BAG4: variants seen among roughly 807,000 people sequenced by gnomAD.
The protein encoded by BAG4 is BAG family molecular chaperone regulator 4.
A neutral mutation model predicts 52.1 loss-of-function variants in BAG4; 28 were observed. The ratio of observed to expected loss-of-function variants is 0.54; its 90% confidence interval spans 0.40 to 0.74. The LOEUF is 0.74. Ranked by LOEUF, BAG4 falls within the 30% of genes least tolerant of loss-of-function variation. The pLI, the probability that BAG4 is intolerant of heterozygous loss-of-function variation, is 0.00. For missense variants in BAG4, 525 were observed against 572.0 expected, an observed-to-expected ratio of 0.92 and a Z score of 0.84; for synonymous variants, 208 against 217.0, an observed-to-expected ratio of 0.96 and a Z score of 0.37.
chr8:38,184,039 T>C (rs1402454097), intron 1 of BAG4, among the ~76,000 whole-genome samples: 1 of 152,180 alleles, frequency 6.6e-6, no homozygotes, highest in East Asian at 1.9e-4. Flanking sequence ...GGAAATTAGC[T>C]AAACAGGTTA....
chr8:38,201,170 T>C (rs1042981678), intron 2 of BAG4, among the ~76,000 whole-genome samples: 4 of 152,200 alleles, frequency 2.6e-5, no homozygotes, highest in African/African-American at 9.7e-5. Context: ...ACAGTAATAA[T>C]GTGCAAATGT....
intron 4 of BAG4, 102 bp downstream of exon 4, chr8:38,209,369 T>A: frequency 1.3e-6 from 2 of 1,494,272 alleles, no homozygotes; most frequent in African/African-American, 1.4e-5. Flanking sequence ...GGGGACTAAT[T>A]ACAAAAAGTT....
intron 2 of BAG4, among the ~76,000 whole-genome samples, chr8:38,200,861 G>T (rs762031469): frequency 6.6e-6 from 1 of 152,238 alleles, no homozygotes; most frequent in Middle Eastern, 3.4e-3. Flanking sequence ...GCCTCCCAAA[G>T]TGCTGGGATT....
intron 2 of BAG4, chr8:38,201,846 A>AAAT (rs1563283923): frequency 1.5e-4 from 1 of 6,878 alleles, no homozygotes; most frequent in Non-Finnish European, 2.5e-4. Context: ...ATATATATAT[A>AAAT]TATATATATA....
At chr8:38,199,306 CAT>C (rs1388021417) in intron 2 of BAG4, among the ~76,000 whole-genome samples, 10 of 152,232 alleles carry the variant, frequency 6.6e-5, no homozygotes, top group African/African-American at 2.4e-4. Flanking sequence ...CTGACTGAAA[CAT>C]AGTTATGCAG....
rs1184388717 is a variant in BAG4, at chr8:38,212,316, T to C, written c.*1823T>C. On this transcript the variant is annotated 3_prime_UTR_variant, in exon 5 of 5. Coordinates refer to ENST00000287322, the MANE Select transcript of BAG4 (RefSeq NM_004874.4). ...ATGCCAATTTCCATGAAGTCTTGATTTATATATATGTACACATGTTATGCA... is the reference window on the plus strand; with the variant it reads ...ATGCCAATTTCCATGAAGTCTTGATCTATATATATGTACACATGTTATGCA... The C allele has an allele frequency of 6.6e-6, 1 of 152,128 alleles. No individual in the cohort carries two copies. The highest frequency in any genetic ancestry group is 1.5e-5 in the Non-Finnish European group (1 of 68,004). 9.4% of individuals were successfully genotyped at this position (152,128 alleles called of 1,614,324 possible). A position where few individuals can be genotyped will look rare whatever the true frequency, so the allele number is the denominator to read the frequency against.
Position 38,192,774 on chromosome 8 carries a change from A to G in BAG4, c.357A>G (p.Val119=), listed in dbSNP as rs756004818. The change falls in exon 2 of 5, where the codon GTA becomes GTG. Residue 119 remains valine, a synonymous_variant. Coordinates refer to ENST00000287322, the MANE Select transcript of BAG4 (RefSeq NM_004874.4). ...CTCCTTACCCAAGTACATATCCTGT[A>G]AGACCAGAATTGCAAGGCCAGGTAT... ...SRAPYPSTYP[V]RPELQGQSLN... is the part of the protein sequence containing the mutation. 6.2e-7 allele frequency: 1 copy of G among 1,609,624 alleles called. No individual in the cohort carries two copies. Among genetic ancestry groups the G allele is most frequent in the East Asian group, 2.2e-5 (1 of 44,826 alleles).
At chr8:38,206,170 G>C (rs370185971) in intron 2 of BAG4, among the ~76,000 whole-genome samples, 1 of 151,544 alleles carries the variant, frequency 6.6e-6, no homozygotes, top group Non-Finnish European at 1.5e-5. Context: ...AGCTACTTGG[G>C]AGGCTGAGGC....
chr8:38,195,659 T>A (rs971107217), intron 2 of BAG4, among the ~76,000 whole-genome samples: 80 of 152,280 alleles, frequency 5.3e-4, no homozygotes, highest in Middle Eastern at 3.4e-3. Flanking sequence ...AAAATAAAGA[T>A]CATGTTAGTA....
intron 1 of BAG4, among the ~76,000 whole-genome samples, chr8:38,183,246 A>T (rs1314384756): frequency 6.6e-6 from 1 of 151,514 alleles, no homozygotes; most frequent in Non-Finnish European, 1.5e-5. Context: ...ATGGGGTTTC[A>T]CCATGTTAGC....
intron 2 of BAG4, chr8:38,201,868 ATATATATATATATTTTTTTTTTT>A (rs1563284109): frequency 6.3e-3 from 41 of 6,472 alleles, no homozygotes; most frequent in Admixed American, 0.011. Context: ...ATATATATAT[ATATATATATATATTTTTTTTTTT>A]TTTTTTTTTT....
chr8:38,198,173 A>G (rs547231455), intron 2 of BAG4, among the ~76,000 whole-genome samples: 1 of 151,768 alleles, frequency 6.6e-6, no homozygotes, highest in East Asian at 2.0e-4. Flanking sequence ...TCACGAGGTC[A>G]GGAAATCGAG....
intron 1 of BAG4, among the ~76,000 whole-genome samples, chr8:38,183,498 A>G (rs1400705646): frequency 2.0e-5 from 3 of 152,062 alleles, no homozygotes; most frequent in South Asian, 2.1e-4. Context: ...GTATTCTTCT[A>G]TTTAATCTCA....
intron 2 of BAG4, among the ~76,000 whole-genome samples, chr8:38,202,716 A>AT (rs1803702575): frequency 1.3e-5 from 2 of 151,266 alleles, no homozygotes; most frequent in Non-Finnish European, 2.9e-5. Flanking sequence ...TAATTTTTGT[A>AT]TTTTTTGTAG....
chr8:38,188,670 TATAC>T (rs1296047259), intron 1 of BAG4, among the ~76,000 whole-genome samples: 15 of 145,484 alleles, frequency 1.0e-4, no homozygotes, highest in Non-Finnish European at 2.1e-4. Flanking sequence ...CATGTATACA[TATAC>T]ATGTATACAT....
rs1168968695 is a variant in BAG4 at position 38,212,024 on chromosome 8, G to C, written c.*1531G>C. 5 of 152,048 alleles carry C rather than the reference G, an allele frequency of 3.3e-5. No individual in the cohort carries two copies. The highest frequency in any genetic ancestry group is 3.3e-4 in the Admixed American group (5 of 15,256). The allele number at this position is 152,048 out of a possible 1,614,324, so 9.4% of individuals were successfully genotyped here. A position where few individuals can be genotyped will look rare whatever the true frequency, so the allele number is the denominator to read the frequency against. Reference sequence around the variant, plus strand: ...AAACCAAACCAAACCAATACAAACAGATGAGGAGAGGAAATGTAGTAAAAA... The same window carrying C: ...AAACCAAACCAAACCAATACAAACACATGAGGAGAGGAAATGTAGTAAAAA... On this transcript the variant is annotated 3_prime_UTR_variant, in exon 5 of 5. Coordinates refer to ENST00000287322, the MANE Select transcript of BAG4 (RefSeq NM_004874.4).
chr8:38,184,370 G>C (rs922629000), intron 1 of BAG4, among the ~76,000 whole-genome samples: 95 of 152,214 alleles, frequency 6.2e-4, no homozygotes, highest in African/African-American at 2.3e-3. Context: ...AGGAGGCTGA[G>C]GTGGGAGGAT....
At position 38,177,094 on chromosome 8, in the gene BAG4, G is replaced by C. The variant is rs369666639; in HGVS notation, c.225G>C (p.Ser75=). ...EGGGGDGYYP[S]GGAWPEPGRA... Reference sequence around the variant, plus strand: ...GAGGAGGCGATGGCTACTATCCCTCGGGAGGCGCCTGGCCAGAGCCTGGTC... The same window carrying C: ...GAGGAGGCGATGGCTACTATCCCTCCGGAGGCGCCTGGCCAGAGCCTGGTC... Residue 75 remains serine, a synonymous_variant, in exon 1 of 5, where the codon TCG becomes TCC. Transcript: ENST00000287322. The C allele has an allele frequency of 2.2e-5, 36 of 1,612,642 alleles. No individual in the cohort carries two copies. The highest frequency in any genetic ancestry group is 2.9e-5 in the Non-Finnish European group (34 of 1,179,892).
intron 2 of BAG4, among the ~76,000 whole-genome samples, chr8:38,206,947 A>ATTT (rs11352165): frequency 6.1e-4 from 68 of 111,038 alleles, no homozygotes; most frequent in Non-Finnish European, 9.7e-4. Flanking sequence ...GGCCTAGATA[A>ATTT]TTTTTTTTTT....
Sources: allele counts gnomAD v4.1 joint callset (sites outside exome capture counted in the v4.1 genomes callset), GRCh38; gene constraint gnomAD v4.1.1; transcripts MANE v1.5; gene names NCBI Gene and HGNC (gene_info 2026-07-23, HGNC 2026-07-21).